Variants in VPS13C observed in about 807,000 individuals in gnomAD.
VPS13C encodes intermembrane lipid transfer protein VPS13C.
In VPS13C, 358 loss-of-function variants were observed where a neutral mutation model predicts 456.8. The observed-to-expected ratio is 0.78, with a 90% CI of 0.72 to 0.86. VPS13C has a LOEUF of 0.86. Among genes scored for constraint, VPS13C ranks in the 40% least tolerant of loss-of-function variants. The probability of loss-of-function intolerance (pLI) is 0.00; values close to 1 mark genes in which losing one functional copy is unlikely to be tolerated. For synonymous variants in VPS13C, 1,578 were observed against 1,486.7 expected, an observed-to-expected ratio of 1.06 and a Z score of -1.41; for missense variants, 4,818 against 4,385.4, an observed-to-expected ratio of 1.10 and a Z score of -2.79.
intron 16 of VPS13C, among the ~76,000 whole-genome samples, chr15:61,994,357 C>T (rs574730829): frequency 6.6e-6 from 1 of 152,278 alleles, no homozygotes; most frequent in Admixed American, 6.5e-5. Flanking sequence ...TCCGGTGATT[C>T]ATTCCTCTCT....
Position 61,912,015 on chromosome 15 carries a change from GA to G in VPS13C, c.8551-12del. On this transcript the variant is annotated splice_polypyrimidine_tract_variant and intron_variant, in intron 62 of 84. Transcript: ENST00000644861. ...GATGCTAACACCAACCTGTGGAAAG[GA>G]AAAAAGCTTATTTTCCAGTTTATTC... The G allele has an allele frequency of 6.5e-7, 1 of 1,550,230 alleles. No individual in the cohort carries two copies. The highest frequency in any genetic ancestry group is 8.7e-7 in the Non-Finnish European group (1 of 1,147,210).
Position 61,929,738 on chromosome 15 carries a change from T to G in VPS13C, c.6049A>C (p.Arg2017=), listed in dbSNP as rs2043992656. Residue 2017 remains arginine, a synonymous_variant, in exon 51 of 85, where the codon AGA becomes CGA. Coordinates refer to ENST00000644861, the MANE Select transcript of VPS13C (RefSeq NM_020821.3). ...CTGTTGTTATCTTGGTCATTCTTTC[T>G]GTCAATCATTCTGAAAAAAAACATG... ...IERATSRMID[R]KNDQDNNSSM... 6 of 1,610,056 alleles carry G rather than the reference T, an allele frequency of 3.7e-6. No homozygotes were observed. Among genetic ancestry groups the G allele is most frequent in the Admixed American group, 1.7e-5 (1 of 59,816 alleles).
rs1279353725 is a variant in VPS13C, at chr15:61,863,421, T to C, written c.10952+19A>G. The stretch of plus-strand genomic sequence containing the variant: ...TGCAACTAAGTACTATTTGGAAAAA[T>C]GTCACTTCAAGTCAGTACCTATTTG... On this transcript the variant is annotated intron_variant, in intron 82 of 84. Transcript: ENST00000644861. 13 of 1,587,078 alleles carry C rather than the reference T, an allele frequency of 8.2e-6. No individual in the cohort carries two copies. In the Admixed American group the frequency reaches 1.9e-4, roughly 23 times the overall value.
intron 13 of VPS13C, among the ~76,000 whole-genome samples, chr15:62,010,189 CAAA>C (rs201274227): frequency 7.4e-6 from 1 of 135,498 alleles, no homozygotes; most frequent in African/African-American, 2.7e-5. Flanking sequence ...GACTCCATCT[CAAA>C]AAAAAAAAAT....
chr15:62,024,293 G>T (rs2047559464), intron 6 of VPS13C, among the ~76,000 whole-genome samples: 1 of 152,010 alleles, frequency 6.6e-6, no homozygotes, highest in African/African-American at 2.4e-5. Context: ...GCCCACAGAT[G>T]ACTTCCTCTG....
chr15:61,898,279 A>T (rs1441372497), intron 66 of VPS13C, among the ~76,000 whole-genome samples: 1 of 152,176 alleles, frequency 6.6e-6, no homozygotes, highest in African/African-American at 2.4e-5. Flanking sequence ...AAATGGACTA[A>T]ATGTTCCAAT....
intron 35 of VPS13C, 107 bp from the exon 36 acceptor site, chr15:61,959,702 G>C: frequency 3.7e-6 from 4 of 1,075,174 alleles, no homozygotes; most frequent in Non-Finnish European, 5.2e-6. Context: ...ATACTGATCT[G>C]AAACAGTGTG....
At chr15:61,868,611 A>C (rs776805341) in intron 81 of VPS13C, 48 bp downstream of exon 81, 1 of 1,537,560 alleles carries the variant, frequency 6.5e-7, no homozygotes, top group Admixed American at 1.7e-5. Context: ...TGGGCCTAGA[A>C]ATCATTAAAA....
chr15:62,045,892 T>C (rs376142457), intron 1 of VPS13C, among the ~76,000 whole-genome samples: 2 of 152,128 alleles, frequency 1.3e-5, no homozygotes, highest in African/African-American at 2.4e-5. Context: ...TCACAGAATA[T>C]TGAGTTTTTT....
At chr15:62,032,804 A>C (rs1485578958) in intron 5 of VPS13C, among the ~76,000 whole-genome samples, 2 of 151,758 alleles carry the variant, frequency 1.3e-5, no homozygotes, top group African/African-American at 4.8e-5. Flanking sequence ...GATAAACAAT[A>C]GATGTCTGGA....
chr15:61,976,734 AT>A (rs1227032006), intron 24 of VPS13C, among the ~76,000 whole-genome samples: 2 of 151,958 alleles, frequency 1.3e-5, no homozygotes, highest in Non-Finnish European at 2.9e-5. Flanking sequence ...TTAATTTTCT[AT>A]TTTTATGTCC....
At chr15:62,045,731 T>C (rs916607042) in intron 1 of VPS13C, among the ~76,000 whole-genome samples, 4 of 151,766 alleles carry the variant, frequency 2.6e-5, no homozygotes, top group Non-Finnish European at 4.4e-5. Flanking sequence ...TACAAGGATA[T>C]TGCAGTATTG....
chr15:61,952,945 A>C (rs1216443134), intron 38 of VPS13C, among the ~76,000 whole-genome samples: 1 of 152,112 alleles, frequency 6.6e-6, no homozygotes, highest in East Asian at 1.9e-4. Context: ...GCTGGTCTCA[A>C]ATACCTGAAC....
At position 62,037,361 on chromosome 15, in the gene VPS13C, TATATA is replaced by T. The variant is rs1488097060; in HGVS notation, c.188-2314_188-2310del. 1.9e-3 allele frequency among the ~76,000 whole-genome samples: 162 copies of T among 85,026 alleles called. 7 individuals are homozygous for T. The highest frequency in any genetic ancestry group is 3.0e-3 in the African/African-American group (67 of 21,990). 55.8% of individuals were successfully genotyped at this position (85,026 alleles called of 152,430 possible). A position where few individuals can be genotyped will look rare whatever the true frequency, so the allele number is the denominator to read the frequency against. ...ATATATAATATATTATATATAAATGTATATAATATATTATATATAAATGTATATAA... is the reference window on the plus strand; with the variant it reads ...ATATATAATATATTATATATAAATGTATATATTATATATAAATGTATATAA... On this transcript the variant is annotated intron_variant, in intron 3 of 84. Transcript: ENST00000644861.
chr15:62,026,046 T>C, intron 6 of VPS13C, among the ~76,000 whole-genome samples: 1 of 88,100 alleles, frequency 1.1e-5, no homozygotes, highest in Non-Finnish European at 2.8e-5. Flanking sequence ...TTAGCATATC[T>C]GCTTCTGCCT....
chr15:61,916,283 A>G (rs1287245888), intron 60 of VPS13C, among the ~76,000 whole-genome samples: 2 of 152,172 alleles, frequency 1.3e-5, no homozygotes, highest in Admixed American at 1.3e-4. Flanking sequence ...TCAGGTCTAT[A>G]TCAAGAGTCA....
intron 8 of VPS13C, 75 bp downstream of exon 8, chr15:62,023,336 A>G: frequency 1.0e-5 from 9 of 882,508 alleles, no homozygotes; most frequent in Non-Finnish European, 1.5e-5. Flanking sequence ...GGCACAGATA[A>G]TCCACATATA....
intron 81 of VPS13C, chr15:61,864,629 G>A (rs1026676845): frequency 1.0e-6 from 1 of 985,204 alleles, no homozygotes; most frequent in Non-Finnish European, 1.2e-6. Flanking sequence ...ATTTTTTAAA[G>A]TTGCTTGGTA....
intron 80 of VPS13C, among the ~76,000 whole-genome samples, 182 bp downstream of exon 80, chr15:61,869,318 A>T (rs547178287): frequency 1.3e-5 from 2 of 152,128 alleles, no homozygotes; most frequent in African/African-American, 4.8e-5. Context: ...GGGTTTCACC[A>T]TGTTCGCAAA....
Sources: gnomAD v4.1 joint callset for allele counts (sites outside exome capture counted in the v4.1 genomes callset) on GRCh38, gnomAD v4.1.1 for gene constraint, MANE v1.5 for transcripts, NCBI Gene and HGNC (gene_info 2026-07-23, HGNC 2026-07-21) for gene names.